The following TLE4 variants were observed in gnomAD, a reference collection of about 807,000 sequenced individuals.
TLE4 encodes TLE family member 4, transcriptional corepressor.
Under a neutral mutation model 92.8 loss-of-function variants are expected in TLE4, and 8 were observed. That is an observed-to-expected ratio of 0.09 (90% CI 0.05 to 0.16). The LOEUF (loss-of-function observed/expected upper bound fraction) is 0.16. TLE4 is among the 10% of genes least tolerant of loss of function. TLE4 has a pLI of 1.00. For missense variants in TLE4, 675 were observed against 997.6 expected, an observed-to-expected ratio of 0.68 and a Z score of 4.36; for synonymous variants, 371 against 374.1, an observed-to-expected ratio of 0.99 and a Z score of 0.10.
chr9:79,580,283 A>G (rs964386207), intron 4 of TLE4: 3 of 152,236 alleles, frequency 2.0e-5, no homozygotes, highest in Non-Finnish European at 4.4e-5. Context: ...GGTACAGAGA[A>G]TAGACTGGAT....
intron 6 of TLE4, among the ~76,000 whole-genome samples, chr9:79,633,920 G>T (rs1457185588): frequency 1.3e-5 from 2 of 152,184 alleles, no homozygotes; most frequent in Non-Finnish European, 2.9e-5. Flanking sequence ...TAACTGTCAA[G>T]CACTTAGGTG....
intron 4 of TLE4, among the ~76,000 whole-genome samples, chr9:79,611,146 C>G (rs898798696): frequency 1.3e-5 from 2 of 152,042 alleles, no homozygotes; most frequent in African/African-American, 4.8e-5. Flanking sequence ...GAATTTCACC[C>G]CATAACCACT....
intron 8 of TLE4, among the ~76,000 whole-genome samples, chr9:79,662,821 G>A (rs753311985): frequency 1.3e-5 from 2 of 152,156 alleles, no homozygotes; most frequent in Non-Finnish European, 2.9e-5. Flanking sequence ...GCTTTTCCCA[G>A]GAAATGATTG....
chr9:79,626,382 T>C (rs901457059), intron 5 of TLE4, among the ~76,000 whole-genome samples: 4 of 152,328 alleles, frequency 2.6e-5, no homozygotes, highest in East Asian at 3.9e-4. Context: ...AATAAGACTC[T>C]TCAGATGTAC....
At chr9:79,598,075 G>GAAAAAAAA (rs748860967) in intron 4 of TLE4, among the ~76,000 whole-genome samples, 3 of 65,718 alleles carry the variant, frequency 4.6e-5, no homozygotes, top group Non-Finnish European at 6.1e-5. Flanking sequence ...TACTGAAAAA[G>GAAAAAAAA]AAAAAAAAAA....
chr9:79,723,530 G>T (rs747438421), intron 19 of TLE4, among the ~76,000 whole-genome samples: 1 of 152,044 alleles, frequency 6.6e-6, no homozygotes, highest in Non-Finnish European at 1.5e-5. Flanking sequence ...GAAATTATTT[G>T]TAGAAGGACC....
intron 19 of TLE4, among the ~76,000 whole-genome samples, 179 bp from the exon 20 acceptor site, chr9:79,724,849 TAAAAAAAAA>T (rs947971071): frequency 1.7e-3 from 43 of 25,988 alleles, no homozygotes; most frequent in Middle Eastern, 0.038. Flanking sequence ...CCTGTCTTAT[TAAAAAAAAA>T]AAAAAAAAAA....
intron 5 of TLE4, among the ~76,000 whole-genome samples, chr9:79,619,699 A>G (rs1334672278): frequency 6.6e-6 from 1 of 152,180 alleles, no homozygotes; most frequent in Non-Finnish European, 1.5e-5. Flanking sequence ...TCCCAGTTGG[A>G]GCCATTTTGT....
intron 5 of TLE4, among the ~76,000 whole-genome samples, chr9:79,625,598 C>A (rs2052409200): frequency 6.6e-6 from 1 of 151,932 alleles, no homozygotes; most frequent in Non-Finnish European, 1.5e-5. Flanking sequence ...TGCCATTTCT[C>A]ACCATCTAGA....
chr9:79,601,545 A>G (rs1450553159), intron 4 of TLE4: 5 of 448,444 alleles, frequency 1.1e-5, no homozygotes. Flanking sequence ...TCTTATTATT[A>G]CTTTATCTGT....
chr9:79,713,429 C>A (rs2073817906), intron 14 of TLE4, among the ~76,000 whole-genome samples: 1 of 152,162 alleles, frequency 6.6e-6, no homozygotes, highest in South Asian at 2.1e-4. Flanking sequence ...TGTTGGAGAG[C>A]CACTCTGCTC....
chr9:79,606,371 G>GT (rs2046967828), intron 4 of TLE4, among the ~76,000 whole-genome samples: 2 of 97,800 alleles, frequency 2.0e-5, no homozygotes, highest in Non-Finnish European at 2.0e-5. Context: ...TAGTGTGTGT[G>GT]TGTTTTTTTT....
intron 5 of TLE4, among the ~76,000 whole-genome samples, 159 bp from the exon 6 acceptor site, chr9:79,627,215 A>G (rs1230310577): frequency 2.6e-5 from 4 of 152,160 alleles, no homozygotes. Flanking sequence ...TGTACCCTAG[A>G]CATCTAGTCA....
chr9:79,665,831 A>G (rs2061304459), intron 8 of TLE4, among the ~76,000 whole-genome samples: 2 of 152,130 alleles, frequency 1.3e-5, no homozygotes, highest in Non-Finnish European at 2.9e-5. Flanking sequence ...TGCTGCTCCC[A>G]TTTAGCTCTG....
intron 4 of TLE4, among the ~76,000 whole-genome samples, chr9:79,593,600 A>G (rs1383694106): frequency 1.3e-5 from 2 of 152,198 alleles, no homozygotes; most frequent in Non-Finnish European, 1.5e-5. Flanking sequence ...TAAAAACATA[A>G]TATTAAAGAA....
chr9:79,657,759 A>T (rs7022420), intron 8 of TLE4, among the ~76,000 whole-genome samples: 3 of 152,092 alleles, frequency 2.0e-5, no homozygotes, highest in Non-Finnish European at 2.9e-5. Flanking sequence ...CATAATTCCA[A>T]TATCAGGTAG....
intron 14 of TLE4, among the ~76,000 whole-genome samples, chr9:79,712,318 A>T (rs1342043231): frequency 6.6e-6 from 1 of 152,218 alleles, no homozygotes; most frequent in Non-Finnish European, 1.5e-5. Context: ...ATAAAGTTAC[A>T]TTCACTTATA....
intron 6 of TLE4, among the ~76,000 whole-genome samples, chr9:79,641,703 T>C (rs2057177725): frequency 6.6e-6 from 1 of 152,196 alleles, no homozygotes; most frequent in South Asian, 2.1e-4. Context: ...CATTTATTTT[T>C]ATGAATGAAT....
chr9:79,702,738 C>T (rs529680590), intron 8 of TLE4, among the ~76,000 whole-genome samples: 1 of 152,272 alleles, frequency 6.6e-6, no homozygotes, highest in South Asian at 2.1e-4. Flanking sequence ...TAGAGGTCCC[C>T]AGCCCGCCCA....
Sources: allele counts gnomAD v4.1 joint callset (sites outside exome capture counted in the v4.1 genomes callset), GRCh38; gene constraint gnomAD v4.1.1; transcripts MANE v1.5; gene names NCBI Gene and HGNC (gene_info 2026-07-23, HGNC 2026-07-21).